CNTN3: variants seen among roughly 807,000 people sequenced by gnomAD.
CNTN3 encodes contactin-3.
A neutral mutation model predicts 119.1 loss-of-function variants in CNTN3; 60 were observed. The ratio of observed to expected loss-of-function variants is 0.50; its 90% confidence interval spans 0.41 to 0.62. The LOEUF is 0.62. Ranked by LOEUF, CNTN3 falls within the 20% of genes least tolerant of loss-of-function variation. The probability of loss-of-function intolerance (pLI) is 0.00; values close to 1 mark genes in which losing one functional copy is unlikely to be tolerated. For synonymous variants in CNTN3, 450 were observed against 438.7 expected (o/e 1.03, Z -0.32); for missense variants, 1,101 against 1,242.4 (o/e 0.89, Z 1.71).
intron 1 of CNTN3, among the ~76,000 whole-genome samples, chr3:74,574,570 T>C (rs1455873049): frequency 1.3e-5 from 2 of 152,328 alleles, no homozygotes; most frequent in African/African-American, 4.8e-5. Context: ...TTGCTCTCAA[T>C]GGTAAAGCAT....
rs1704146253 is a variant in CNTN3 at position 74,364,559 on chromosome 3, G to A, written c.1121C>T (p.Ser374Leu). ...GCCAGAATCAGTCACACTTAGGTTT[G>A]ATATTGTAAGGGCACCATTTTCTAT... Reference protein sequence around the residue: ...TQIENGALTISNLSVTDSGMF... With the variant: ...TQIENGALTILNLSVTDSGMF... The change falls in exon 10 of 23, where the codon TCA becomes TTA. Residue 374 changes from serine (S) to leucine (L), a missense_variant. By Grantham distance (145) the Ser-to-Leu change is moderately radical. Transcript: ENST00000263665. The A allele has an allele frequency of 6.2e-7, 1 of 1,610,804 alleles. No individual in the cohort carries two copies. The highest frequency in any genetic ancestry group is 8.5e-7 in the Non-Finnish European group (1 of 1,177,470).
intron 5 of CNTN3, among the ~76,000 whole-genome samples, chr3:74,393,552 A>T (rs1704967979): frequency 6.6e-6 from 1 of 152,226 alleles, no homozygotes. Flanking sequence ...AAATGTAATT[A>T]TCAGGGAGGA....
At chr3:74,274,346 C>A (rs1445385282) in intron 20 of CNTN3, among the ~76,000 whole-genome samples, 1 of 152,082 alleles carries the variant, frequency 6.6e-6, no homozygotes, top group Non-Finnish European at 1.5e-5. Context: ...GGAGGCCAAC[C>A]AGCACAAAAA....
rs540921789 is a variant in CNTN3, at chr3:74,455,985, C to T, written c.358+30471G>A. Among the ~76,000 whole-genome samples, 16 of 152,102 alleles carry T rather than the reference C, an allele frequency of 1.1e-4. No homozygotes were observed. The South Asian group carries it at 3.3e-3, about 32-fold the overall frequency. ...CACATTGAAATCTAACTGGTTTATG[C>T]CATAGATTATTACACATATGTGTAA... On this transcript the variant is annotated intron_variant, in intron 4 of 22. Coordinates refer to ENST00000263665, the MANE Select transcript of CNTN3 (RefSeq NM_020872.3).
At chr3:74,469,155 C>T (rs920396945) in intron 4 of CNTN3, among the ~76,000 whole-genome samples, 2 of 152,082 alleles carry the variant, frequency 1.3e-5, no homozygotes, top group Admixed American at 6.6e-5. Flanking sequence ...GTGACTGATC[C>T]TTCTTTACAA....
At chr3:74,299,819 C>T in intron 17 of CNTN3, 49 bp downstream of exon 17, 1 of 1,491,744 alleles carries the variant, frequency 6.7e-7, no homozygotes, top group African/African-American at 1.4e-5. Flanking sequence ...CCATAATGAT[C>T]ATGGGAACAG....
At chr3:74,511,484 C>T (rs1703361975) in intron 2 of CNTN3, among the ~76,000 whole-genome samples, 2 of 152,114 alleles carry the variant, frequency 1.3e-5, no homozygotes, top group South Asian at 4.2e-4. Context: ...TTCAATTCAA[C>T]ACATCTCTAC....
intron 1 of CNTN3, among the ~76,000 whole-genome samples, chr3:74,591,072 T>C (rs1444549112): frequency 6.6e-6 from 1 of 152,018 alleles, no homozygotes; most frequent in Non-Finnish European, 1.5e-5. Flanking sequence ...AACCTCATCT[T>C]AGATTCCGGT....
intron 1 of CNTN3, among the ~76,000 whole-genome samples, chr3:74,559,714 T>C (rs573004737): frequency 1.3e-4 from 20 of 152,214 alleles, no homozygotes; most frequent in African/African-American, 4.6e-4. Context: ...TTAGAAAAAA[T>C]GAAGGTGCAG....
intron 1 of CNTN3, among the ~76,000 whole-genome samples, chr3:74,580,811 T>G (rs2106667350): frequency 6.6e-6 from 1 of 152,330 alleles, no homozygotes; most frequent in South Asian, 2.1e-4. Flanking sequence ...GTCAACCTCC[T>G]GGGCTCAAGT....
chr3:74,531,578 G>C (rs777618723), intron 1 of CNTN3, among the ~76,000 whole-genome samples: 2 of 152,000 alleles, frequency 1.3e-5, no homozygotes, highest in Admixed American at 1.3e-4. Context: ...GGTGATTCAT[G>C]AGAGTGAGAG....
rs192816463 is a variant in CNTN3 at position 74,397,278 on chromosome 3, C to A, written c.455-25879G>T. On this transcript the variant is annotated intron_variant, in intron 5 of 22. Coordinates refer to ENST00000263665, the MANE Select transcript of CNTN3 (RefSeq NM_020872.3). Reference sequence around the variant, plus strand: ...ATTTTAAGTCCATTGTTGAGACCTACTGCTCAGAGAAAATATTCCTTTACA... The same window carrying A: ...ATTTTAAGTCCATTGTTGAGACCTAATGCTCAGAGAAAATATTCCTTTACA... 9.8e-5 allele frequency among the ~76,000 whole-genome samples: 15 copies of A among 152,318 alleles called. No homozygotes were observed. The East Asian group carries it at 2.7e-3, about 27-fold the overall frequency.
chr3:74,567,807 G>A (rs1365532251), intron 1 of CNTN3, among the ~76,000 whole-genome samples: 1 of 152,128 alleles, frequency 6.6e-6, no homozygotes, highest in Non-Finnish European at 1.5e-5. Context: ...AAAGCGCTAG[G>A]AGAATACAAA....
At chr3:74,383,928 C>T (rs1704684437) in intron 5 of CNTN3, among the ~76,000 whole-genome samples, 1 of 152,182 alleles carries the variant, frequency 6.6e-6, no homozygotes, top group African/African-American at 2.4e-5. Flanking sequence ...GAAATAAAAG[C>T]AAATGTGTCC....
At chr3:74,428,137 T>C (rs1701725990) in intron 4 of CNTN3, among the ~76,000 whole-genome samples, 1 of 152,202 alleles carries the variant, frequency 6.6e-6, no homozygotes, top group African/African-American at 2.4e-5. Context: ...GCCAGTCATA[T>C]AAAAGTTTTG....
chr3:74,380,763 A>T (rs913802321), intron 5 of CNTN3, among the ~76,000 whole-genome samples: 1 of 152,208 alleles, frequency 6.6e-6, no homozygotes, highest in Non-Finnish European at 1.5e-5. Context: ...AAAATATCTG[A>T]AATAATTAAG....
intron 20 of CNTN3, among the ~76,000 whole-genome samples, chr3:74,277,636 CT>C (rs1338560545): frequency 1.3e-5 from 2 of 152,076 alleles, no homozygotes; most frequent in African/African-American, 2.4e-5. Flanking sequence ...TAAAAGCCAT[CT>C]ATGACAACCC....
intron 16 of CNTN3, 82 bp downstream of exon 16, chr3:74,301,316 T>TG: frequency 7.2e-7 from 1 of 1,394,086 alleles, no homozygotes; most frequent in Non-Finnish European, 9.9e-7. Context: ...GCTGACCCCC[T>TG]GCTGGCCTGG....
At chr3:74,488,323 C>G (rs972135712) in intron 3 of CNTN3, among the ~76,000 whole-genome samples, 1 of 152,030 alleles carries the variant, frequency 6.6e-6, no homozygotes, top group Non-Finnish European at 1.5e-5. Context: ...CCGTGTTAGC[C>G]AGGATGGTCT....
Sources: gnomAD v4.1 joint callset for allele counts (sites outside exome capture counted in the v4.1 genomes callset) on GRCh38, gnomAD v4.1.1 for gene constraint, MANE v1.5 for transcripts, NCBI Gene and HGNC (gene_info 2026-07-23, HGNC 2026-07-21) for gene names.